PMEL: variants seen among roughly 807,000 people sequenced by gnomAD.
PMEL encodes melanocyte protein PMEL.
In PMEL, 53 loss-of-function variants were observed where a neutral mutation model predicts 64.9. The observed-to-expected ratio is 0.82, with a 90% CI of 0.66 to 1.03. The LOEUF (loss-of-function observed/expected upper bound fraction) is 1.03, where lower values mean the gene tolerates loss of function less well. PMEL is among the 50% of genes least tolerant of loss of function. The pLI is 0.00. For synonymous variants in PMEL, 299 were observed against 316.2 expected, an observed-to-expected ratio of 0.95 and a Z score of 0.58; for missense variants, 716 against 814.9, an observed-to-expected ratio of 0.88 and a Z score of 1.48.
At chr12:55,961,815 A>G (rs78980915) in intron 1 of PMEL, 83 bp from the exon 2 acceptor site, 3 of 831,100 alleles carry the variant, frequency 3.6e-6, no homozygotes, top group Non-Finnish European at 5.9e-6. Flanking sequence ...CACTCCATTC[A>G]TTCTCACATT....
rs867654448 is a variant in PMEL, at chr12:55,962,059, C to T, written c.77-327G>A. ...CCATGTTGGTTGGTCTGGTCTCGAA[C>T]TCCCGACCTTAGGTGATCTGCCTGC... On this transcript the variant is annotated intron_variant, in intron 1 of 10. Coordinates refer to ENST00000548747, the MANE Select transcript of PMEL (RefSeq NM_001384361.1). 3.9e-4 allele frequency among the ~76,000 whole-genome samples: 59 copies of T among 152,208 alleles called. 1 individual carries two copies. Among genetic ancestry groups the T allele is most frequent in the African/African-American group, 1.3e-3 (56 of 41,566 alleles).
chr12:55,957,016 T>TA lies in PMEL; in HGVS notation c.1286_1287insT (p.Arg429SerfsTer7). The TA allele has an allele frequency of 6.2e-7, 1 of 1,614,232 alleles. No individual in the cohort carries two copies. The highest frequency in any genetic ancestry group is 8.5e-7 in the Non-Finnish European group (1 of 1,180,018). ...CTTCAGGCTCAGGGATAGGTAGCTC[T>TA]CTAGCTGTGGTCTCCACCCACTCTG... On this transcript the variant is annotated frameshift_variant, in exon 6 of 11. Transcript: ENST00000548747. LOFTEE classifies it high-confidence loss of function.
upstream of PMEL, chr12:55,966,534 T>A: frequency 3.0e-6 from 1 of 328,196 alleles, no homozygotes; most frequent in Non-Finnish European, 4.5e-6. Context: ...CCAGGATTGG[T>A]GAAAATAGTG....
chr12:55,958,358 G>T, intron 4 of PMEL, 115 bp downstream of exon 4: 1 of 1,085,144 alleles, frequency 9.2e-7, no homozygotes, highest in South Asian at 1.5e-5. Flanking sequence ...AGAGGAAAAT[G>T]AAGATTAGAG....
intron 10 of PMEL, 146 bp from the exon 11 acceptor site, chr12:55,954,495 C>T: frequency 1.3e-6 from 1 of 787,102 alleles, no homozygotes. Context: ...CAGGGTTTAC[C>T]CTCTCTTATT....
chr12:55,964,703 G>T (rs1889222105), intron 1 of PMEL, among the ~76,000 whole-genome samples: 1 of 151,266 alleles, frequency 6.6e-6, no homozygotes, highest in South Asian at 2.1e-4. Context: ...TCGGCTCACT[G>T]CAACCTCTGC....
intron 1 of PMEL, among the ~76,000 whole-genome samples, chr12:55,962,813 G>A (rs1423888326): frequency 6.6e-6 from 1 of 151,894 alleles, no homozygotes; most frequent in Non-Finnish European, 1.5e-5. Flanking sequence ...TTATAGGCGT[G>A]AGCCACTGCG....
chr12:55,963,749 C>T (rs1447731757), intron 1 of PMEL, among the ~76,000 whole-genome samples: 2 of 152,186 alleles, frequency 1.3e-5, no homozygotes, highest in Non-Finnish European at 2.9e-5. Context: ...TCAAGGAGAA[C>T]TTCCTAGAAA....
At chr12:55,966,641 G>A (rs542841825), upstream of PMEL, 8 of 1,052,230 alleles carry the variant, frequency 7.6e-6, no homozygotes, top group Non-Finnish European at 9.2e-6. Flanking sequence ...GCCCCACCGG[G>A]GAAGAAACTT....
chr12:55,955,154 G>A (rs1194364845), intron 10 of PMEL, 120 bp downstream of exon 10: 1 of 808,320 alleles, frequency 1.2e-6, no homozygotes, highest in Non-Finnish European at 2.2e-6. Context: ...TTAAAAGCCT[G>A]GGCTCTTTCC....
Position 55,961,610 on chromosome 12 carries a change from C to G in PMEL, c.187+12G>C, listed in dbSNP as rs1395610116. The G allele has an allele frequency of 6.2e-7, 1 of 1,603,084 alleles. No individual in the cohort carries two copies. Among genetic ancestry groups the G allele is most frequent in the African/African-American group, 1.3e-5 (1 of 74,810 alleles). The stretch of plus-strand genomic sequence containing the variant: ...CCCACCATGCCCTCCCCTGGAACTT[C>G]CAAGTTCCTACCTCTCCAGCAGTCA... On this transcript the variant is annotated intron_variant, in intron 2 of 10. Transcript: ENST00000548747.
Position 55,954,263 on chromosome 12 carries a change from GAGC to G in PMEL, c.1934_1936del (p.Cys645del). The G allele has an allele frequency of 6.2e-7, 1 of 1,613,820 alleles. No homozygotes were observed. On this transcript the variant is annotated inframe_deletion, in exon 11 of 11. Coordinates refer to ENST00000548747, the MANE Select transcript of PMEL (RefSeq NM_001384361.1). ...GGGGCTGTTCTCACCAATGGGACAA[GAGC>G]AGAAGATGCGGGGTAGACGCAGCCA...
chr12:55,956,842 C>A (rs959693618), intron 6 of PMEL, 107 bp downstream of exon 6: 14 of 1,223,836 alleles, frequency 1.1e-5, no homozygotes, highest in Middle Eastern at 2.6e-4. Flanking sequence ...CTGAGGGGAC[C>A]ATAGTGCTAA....
chr12:55,960,537 G>GTTTTTTTTTTTTTT (rs760692409), intron 3 of PMEL, among the ~76,000 whole-genome samples: 8 of 97,302 alleles, frequency 8.2e-5, no homozygotes, highest in African/African-American at 3.2e-4. Context: ...TTTGCTTTCT[G>GTTTTTTTTTTTTTT]TTTTTTTTTT....
Position 55,958,398 on chromosome 12 carries a change from G to T in PMEL, c.469+75C>A, listed in dbSNP as rs185785585. On this transcript the variant is annotated intron_variant, in intron 4 of 10. Transcript: ENST00000548747. Reference sequence around the variant, plus strand: ...TCACAGAAGTTAAGGTGGAAGGGGCGGCCAAAAGAAAGGTGATCAGGTAGA... The same window carrying T: ...TCACAGAAGTTAAGGTGGAAGGGGCTGCCAAAAGAAAGGTGATCAGGTAGA... The T allele has an allele frequency of 9.0e-6, 13 of 1,447,724 alleles. No individual in the cohort carries two copies. In the East Asian group the frequency reaches 2.7e-4, roughly 31 times the overall value. The allele number at this position is 1,447,724 out of a possible 1,614,324, so 89.7% of individuals were successfully genotyped here. A position where few individuals can be genotyped will look rare whatever the true frequency, so the allele number is the denominator to read the frequency against.
In PMEL at chr12:55,957,193, C is replaced by G. The variant is rs17118154; in HGVS notation, c.1110G>C (p.Glu370Asp). ...STAPVQMPTA[E>D]STGMTPEKVP... Reference sequence around the variant, plus strand: ...CCTTCTCAGGTGTCATACCTGTGCTCTCTGCAGTTGGCATCTGCACAGGTG... The same window carrying G: ...CCTTCTCAGGTGTCATACCTGTGCTGTCTGCAGTTGGCATCTGCACAGGTG... Residue 370 changes from glutamate (E) to aspartate (D), a missense_variant, in exon 6 of 11, where the codon GAG becomes GAC. Physicochemically the swap from Glu to Asp is conservative, Grantham distance 45. Transcript: ENST00000548747. 5.9e-3 allele frequency: 9,593 copies of G among 1,614,200 alleles called. 245 individuals carry two copies. In the African/African-American group the frequency reaches 0.075, roughly 13 times the overall value.
Position 55,960,538 on chromosome 12 carries a change from T to G in PMEL, c.334+779A>C, listed in dbSNP as rs12319998. 7.5e-3 allele frequency among the ~76,000 whole-genome samples: 566 copies of G among 75,288 alleles called. 2 individuals are homozygous for G. Among genetic ancestry groups the G allele is most frequent in the African/African-American group, 0.017 (203 of 12,158 alleles). The allele number at this position is 75,288 out of a possible 152,430, so 49.4% of individuals were successfully genotyped here. On this transcript the variant is annotated intron_variant, in intron 3 of 10. Transcript: ENST00000548747. Reference sequence around the variant, plus strand: ...AATTTTCTTTTCTTTTTGCTTTCTGTTTTTTTTTTTTTTTTTTTTTTTGAA... The same window carrying G: ...AATTTTCTTTTCTTTTTGCTTTCTGGTTTTTTTTTTTTTTTTTTTTTTGAA...
At position 55,957,986 on chromosome 12, in the gene PMEL, G is replaced by C; in HGVS notation, c.568C>G (p.His190Asp). The stretch of plus-strand genomic sequence containing the variant: ...ACATAGCTCCGGGATCCCCGGCGAT[G>C]GTAGACAGTCACTTCCATGGTGTGT... ...GTHTMEVTVY[H>D]RRGSRSYVPL... The change falls in exon 5 of 11, where the codon CAT becomes GAT. Residue 190 changes from histidine to aspartate, a missense_variant. His to Asp is a moderately conservative substitution (Grantham distance 81). Coordinates refer to ENST00000548747, the MANE Select transcript of PMEL (RefSeq NM_001384361.1). The C allele has an allele frequency of 6.2e-7, 1 of 1,614,204 alleles. No individual in the cohort carries two copies. Among genetic ancestry groups the C allele is most frequent in the Non-Finnish European group, 8.5e-7 (1 of 1,180,024 alleles).
intron 5 of PMEL, 124 bp from the exon 6 acceptor site, chr12:55,957,795 T>G: frequency 1.3e-6 from 2 of 1,509,706 alleles, no homozygotes; most frequent in Non-Finnish European, 1.8e-6. Context: ...CACATTTCTC[T>G]GCCTAGGTCT....
Sources: gnomAD v4.1 joint callset for allele counts (sites outside exome capture counted in the v4.1 genomes callset) on GRCh38, gnomAD v4.1.1 for gene constraint, MANE v1.5 for transcripts, NCBI Gene and HGNC (gene_info 2026-07-23, HGNC 2026-07-21) for gene names.